The following UTRN variants were observed in gnomAD, a reference collection of about 807,000 sequenced individuals.
UTRN encodes utrophin.
A neutral mutation model predicts 463.9 loss-of-function variants in UTRN; 283 were observed. That is an observed-to-expected ratio of 0.61 (90% CI 0.55 to 0.67). The LOEUF is 0.67. UTRN is among the 30% of genes least tolerant of loss of function. The pLI, the probability that UTRN is intolerant of heterozygous loss-of-function variation, is 0.00. For synonymous variants in UTRN, 1,442 were observed against 1,431.5 expected, an observed-to-expected ratio of 1.01 and a Z score of -0.17; for missense variants, 3,922 against 4,084.3, an observed-to-expected ratio of 0.96 and a Z score of 1.08.
intron 15 of UTRN, 131 bp from the exon 16 acceptor site, chr6:144,447,471 C>G: frequency 1.5e-6 from 2 of 1,297,802 alleles, no homozygotes; most frequent in Non-Finnish European, 2.1e-6. Context: ...ACGAGTCTTA[C>G]CTTTTAGCAT....
chr6:144,608,802 C>T (rs898087119), intron 51 of UTRN, among the ~76,000 whole-genome samples: 3 of 152,150 alleles, frequency 2.0e-5, no homozygotes, highest in Non-Finnish European at 4.4e-5. Context: ...GCTTTGCTGG[C>T]TGCAATTTGT....
At chr6:144,826,161 A>AAAAAAAATAAAT (rs1554408908) in intron 66 of UTRN, among the ~76,000 whole-genome samples, 7 of 148,590 alleles carry the variant, frequency 4.7e-5, no homozygotes, top group Admixed American at 2.7e-4. Flanking sequence ...AATAAAAGAA[A>AAAAAAAATAAAT]AAATAAATAA....
intron 23 of UTRN, among the ~76,000 whole-genome samples, chr6:144,467,394 C>T (rs760864530): frequency 6.6e-6 from 1 of 152,198 alleles, no homozygotes; most frequent in African/African-American, 2.4e-5. Context: ...TCTCTTCCCA[C>T]GAGGCATGAG....
chr6:144,692,245 G>GTATT (rs1783496113), intron 52 of UTRN, among the ~76,000 whole-genome samples: 1 of 152,166 alleles, frequency 6.6e-6, no homozygotes, highest in African/African-American at 2.4e-5. Flanking sequence ...TGGCTGCATA[G>GTATT]TATTCCATGG....
At position 144,291,839 on chromosome 6, in the gene UTRN, A is replaced by G. The variant is rs1329319778; in HGVS notation, c.11A>G (p.Tyr4Cys). The G allele has an allele frequency of 1.2e-6, 2 of 1,613,068 alleles. No homozygotes were observed. The highest frequency in any genetic ancestry group is 1.3e-5 in the African/African-American group (1 of 75,006). ...TGAAACTCTGGCAAGATGGCCAAGT[A>G]TGGAGAACATGAAGCCAGTCCTGAC... MAK[Y>C]GEHEASPDNG... Residue 4 changes from tyrosine (Y) to cysteine (C), a missense_variant, in exon 2 of 75, where the codon TAT becomes TGT. Transcript: ENST00000367545.
At position 144,511,051 on chromosome 6, in the gene UTRN, G is replaced by T. The variant is rs770290380; in HGVS notation, c.4872G>T (p.Glu1624Asp). 1.9e-6 allele frequency: 3 copies of T among 1,612,962 alleles called. No individual in the cohort carries two copies. Among genetic ancestry groups the T allele is most frequent in the Non-Finnish European group, 2.5e-6 (3 of 1,179,222 alleles). Residue 1624 changes from glutamate (E) to aspartate (D), a missense_variant, in exon 35 of 75, where the codon GAG (glutamate) becomes GAT (aspartate). Glu to Asp is a conservative substitution (Grantham distance 45). This residue lies in a region of UTRN where 2,349 missense variants were observed against 2,303.8 expected (regional missense o/e 1.02). Coordinates refer to ENST00000367545, the MANE Select transcript of UTRN (RefSeq NM_007124.3). ...LIEGSEPILE[E>D]RLCVLNAGWS... ...AGGGCAGTGAGCCTATTTTAGAAGA[G>T]AGGCTCTGCGTCCTTAACGCTGGGT...
chr6:144,302,625 G>C (rs1805385739), intron 2 of UTRN, among the ~76,000 whole-genome samples: 1 of 152,172 alleles, frequency 6.6e-6, no homozygotes, highest in African/African-American at 2.4e-5. Context: ...GCTGGGCTCA[G>C]AGATAAGCAA....
intron 2 of UTRN, among the ~76,000 whole-genome samples, chr6:144,350,642 G>T (rs149011981): frequency 1.3e-5 from 2 of 152,268 alleles, no homozygotes; most frequent in African/African-American, 2.4e-5. Flanking sequence ...GAACTTCTCT[G>T]CATATGTTTA....
In UTRN at chr6:144,435,883, C is replaced by A. The variant is rs1349519652; in HGVS notation, c.856-52C>A. 1.9e-6 allele frequency: 3 copies of A among 1,586,134 alleles called. No individual in the cohort carries two copies. The African/African-American group carries it at 4.0e-5, about 21-fold the overall frequency. On this transcript the variant is annotated intron_variant, in intron 9 of 74. Coordinates refer to ENST00000367545, the MANE Select transcript of UTRN (RefSeq NM_007124.3). ...CGCCATACAGTGTGAGTTTGCTGAA[C>A]ACCTCTTGCTTTGATGATTAGTGTG...
intron 17 of UTRN, among the ~76,000 whole-genome samples, chr6:144,448,992 T>C (rs1011397427): frequency 6.6e-6 from 1 of 152,216 alleles, no homozygotes; most frequent in African/African-American, 2.4e-5. Context: ...TTATTTATCC[T>C]GTGTTCAATT....
At chr6:144,525,693 G>T (rs1476565284) in intron 41 of UTRN, among the ~76,000 whole-genome samples, 1 of 150,598 alleles carries the variant, frequency 6.6e-6, no homozygotes, top group Non-Finnish European at 1.5e-5. Context: ...GCTCTGCTCT[G>T]ATCTTGGTTA....
intron 58 of UTRN, among the ~76,000 whole-genome samples, chr6:144,767,499 A>G (rs1793488347): frequency 6.6e-6 from 1 of 152,118 alleles, no homozygotes; most frequent in Non-Finnish European, 1.5e-5. Flanking sequence ...TTTAAATCCC[A>G]TTTCTATTAC....
At chr6:144,636,644 T>A (rs1382496203) in intron 51 of UTRN, among the ~76,000 whole-genome samples, 2 of 152,230 alleles carry the variant, frequency 1.3e-5, no homozygotes, top group African/African-American at 2.4e-5. Context: ...ATTCTTTTCC[T>A]CATATTTCCA....
intron 68 of UTRN, 116 bp from the exon 69 acceptor site, chr6:144,828,674 G>T: frequency 8.3e-5 from 81 of 981,172 alleles, no homozygotes; most frequent in Middle Eastern, 2.1e-4. Context: ...TAGGAGATTT[G>T]GATCTTTCTA....
chr6:144,441,644 C>T (rs1317783204), intron 13 of UTRN, among the ~76,000 whole-genome samples: 2 of 152,166 alleles, frequency 1.3e-5, no homozygotes, highest in African/African-American at 4.8e-5. Flanking sequence ...GGACAGTGGC[C>T]GTCTTCTCAC....
chr6:144,400,954 G>T (rs925348077), intron 2 of UTRN, among the ~76,000 whole-genome samples: 1 of 152,002 alleles, frequency 6.6e-6, no homozygotes, highest in Non-Finnish European at 1.5e-5. Flanking sequence ...TCATTGATAG[G>T]GTAATAGTGC....
intron 43 of UTRN, among the ~76,000 whole-genome samples, 184 bp downstream of exon 43, chr6:144,533,444 T>C (rs1277558440): frequency 6.6e-6 from 1 of 152,222 alleles, no homozygotes; most frequent in Non-Finnish European, 1.5e-5. Flanking sequence ...AAGTCTCACT[T>C]TTCTACTCAA....
rs1784711394 is a variant in UTRN at position 144,702,677 on chromosome 6, G to A, written c.7809+2434G>A. Among the ~76,000 whole-genome samples the A allele has an allele frequency of 2.0e-5, 3 of 152,206 alleles. No homozygotes were observed. The South Asian group carries it at 6.2e-4, about 31-fold the overall frequency. On this transcript the variant is annotated intron_variant, in intron 53 of 74. Coordinates refer to ENST00000367545, the MANE Select transcript of UTRN (RefSeq NM_007124.3). Reference sequence around the variant, plus strand: ...TGGGTGATTTTTGAACAGAGACCTGGAGTGATGTAGTAAGCACTTAGCAAC... The same window carrying A: ...TGGGTGATTTTTGAACAGAGACCTGAAGTGATGTAGTAAGCACTTAGCAAC...
intron 51 of UTRN, among the ~76,000 whole-genome samples, chr6:144,613,270 A>G (rs966259230): frequency 3.3e-5 from 5 of 152,048 alleles, no homozygotes; most frequent in African/African-American, 1.2e-4. Context: ...TCAGATAGAT[A>G]AGAGGATTTA....
Sources: gnomAD v4.1 joint callset for allele counts (sites outside exome capture counted in the v4.1 genomes callset) on GRCh38, gnomAD v4.1.1 for gene constraint, gnomAD v4.1.1 regional missense constraint, MANE v1.5 for transcripts, NCBI Gene and HGNC (gene_info 2026-07-23, HGNC 2026-07-21) for gene names.